Variants in UIMC1 observed in about 807,000 individuals in gnomAD.
UIMC1 encodes the protein BRCA1-A complex subunit RAP80.
In UIMC1, 42 loss-of-function variants were observed where a neutral mutation model predicts 84.9. The ratio of observed to expected loss-of-function variants is 0.49; its 90% CI spans 0.39 to 0.64. UIMC1 has a LOEUF of 0.64. UIMC1 is among the 30% of genes least tolerant of loss of function. UIMC1 has a pLI of 0.00. For missense variants in UIMC1, 825 were observed against 847.6 expected (o/e 0.97, Z 0.33); for synonymous variants, 281 against 293.0 (o/e 0.96, Z 0.42).
intron 10 of UIMC1, among the ~76,000 whole-genome samples, chr5:176,924,439 T>C (rs1426822902): frequency 1.3e-5 from 2 of 152,076 alleles, no homozygotes; most frequent in African/African-American, 4.8e-5. Context: ...TCAAGACACT[T>C]GTACTGGCAT....
Position 176,907,188 on chromosome 5 carries a change from G to A in UIMC1, c.1849-11C>T. On this transcript the variant is annotated splice_polypyrimidine_tract_variant and intron_variant, in intron 12 of 14. Transcript: ENST00000511320. ...ACTGTGGCCTTTTTCCTGTAACAGAGAAAAACAGATGAAAAGGTTACTTCA... is the reference window on the plus strand; with the variant it reads ...ACTGTGGCCTTTTTCCTGTAACAGAAAAAAACAGATGAAAAGGTTACTTCA... The A allele has an allele frequency of 6.2e-7, 1 of 1,611,768 alleles. No homozygotes were observed. Among genetic ancestry groups the A allele is most frequent in the Non-Finnish European group, 8.5e-7 (1 of 1,178,720 alleles).
intron 10 of UIMC1, among the ~76,000 whole-genome samples, chr5:176,931,424 C>A (rs1283822618): frequency 1.1e-4 from 17 of 152,126 alleles, no homozygotes; most frequent in Admixed American, 1.0e-3. Context: ...ATAAGCACAT[C>A]TGGCAGAAGA....
upstream of UIMC1, among the ~76,000 whole-genome samples, chr5:177,008,449 C>A (rs1775468097): frequency 6.6e-6 from 1 of 152,144 alleles, no homozygotes; most frequent in African/African-American, 2.4e-5. Context: ...AGACATGATC[C>A]ATGTAATCCT....
At chr5:176,917,514 G>C (rs938318339) in intron 10 of UIMC1, among the ~76,000 whole-genome samples, 6 of 152,202 alleles carry the variant, frequency 3.9e-5, no homozygotes, top group Admixed American at 3.9e-4. Context: ...GGAGGTTGCA[G>C]TGAGCCAAGA....
At chr5:177,019,242 C>T (rs898420405) in intron 1 of UIMC1, among the ~76,000 whole-genome samples, 1 of 152,120 alleles carries the variant, frequency 6.6e-6, no homozygotes, top group African/African-American at 2.4e-5. Flanking sequence ...AAAACCTTTA[C>T]CTTTCCTAGT....
At chr5:176,983,885 C>A (rs1408588160) in intron 1 of UIMC1, among the ~76,000 whole-genome samples, 1 of 146,134 alleles carries the variant, frequency 6.8e-6, no homozygotes, top group Non-Finnish European at 1.5e-5. Flanking sequence ...GCCCGGCCGC[C>A]ACCCCATCTG....
chr5:176,918,030 G>A lies in UIMC1; in HGVS notation c.1598-6641C>T, dbSNP rs534804964. 4.6e-5 allele frequency among the ~76,000 whole-genome samples: 7 copies of A among 152,306 alleles called. No homozygotes were observed. The East Asian group carries it at 1.4e-3, about 29-fold the overall frequency. On this transcript the variant is annotated intron_variant, in intron 10 of 14. Transcript: ENST00000511320. The stretch of plus-strand genomic sequence containing the variant: ...TTTCAAATGCTCAATAGCCATATGT[G>A]GCTACCATATTTGACAGCACAGCTA...
At chr5:176,946,214 G>C (rs192252083) in intron 9 of UIMC1, among the ~76,000 whole-genome samples, 1 of 152,082 alleles carries the variant, frequency 6.6e-6, no homozygotes, top group Non-Finnish European at 1.5e-5. Flanking sequence ...TCAACCTGCC[G>C]ATCTGCCTAG....
intron 10 of UIMC1, 112 bp from the exon 11 acceptor site, chr5:176,911,501 A>C: frequency 1.7e-6 from 1 of 593,750 alleles, no homozygotes. Flanking sequence ...ATCCCACTGG[A>C]AGAAGTGCAT....
At chr5:176,944,445 T>C (rs981557448) in intron 9 of UIMC1, among the ~76,000 whole-genome samples, 2 of 152,200 alleles carry the variant, frequency 1.3e-5, no homozygotes, top group African/African-American at 4.8e-5. Flanking sequence ...TTCAACAGTG[T>C]GTGTGAGCAC....
At chr5:176,915,759 T>C (rs1349868259) in intron 10 of UIMC1, among the ~76,000 whole-genome samples, 1 of 118,884 alleles carries the variant, frequency 8.4e-6, no homozygotes, top group Admixed American at 1.1e-4. Flanking sequence ...TGACTGTAAA[T>C]GAAGTATTAA....
At chr5:176,911,645 A>G (rs544425144) in intron 10 of UIMC1, among the ~76,000 whole-genome samples, 1 of 152,254 alleles carries the variant, frequency 6.6e-6, no homozygotes, top group South Asian at 2.1e-4. Flanking sequence ...CTAAAGATCT[A>G]CTCCACACCA....
intron 2 of UIMC1, among the ~76,000 whole-genome samples, chr5:176,976,079 G>C (rs572721133): frequency 7.2e-5 from 11 of 152,038 alleles, no homozygotes; most frequent in African/African-American, 2.7e-4. Flanking sequence ...TGGGAGAATC[G>C]CTTGAGGCCA....
intron 1 of UIMC1, among the ~76,000 whole-genome samples, chr5:177,014,274 G>A (rs528007262): frequency 3.3e-5 from 5 of 151,674 alleles, no homozygotes; most frequent in South Asian, 4.2e-4. Flanking sequence ...GGCTGGTCTC[G>A]AACTCCTGAT....
intron 11 of UIMC1, among the ~76,000 whole-genome samples, chr5:176,909,803 C>T (rs1014957673): frequency 1.3e-5 from 2 of 152,202 alleles, no homozygotes; most frequent in African/African-American, 4.8e-5. Context: ...TTCCCTACTA[C>T]ATGAGAGACA....
chr5:176,991,702 G>A (rs1038514321), intron 1 of UIMC1, among the ~76,000 whole-genome samples: 237 of 151,212 alleles, frequency 1.6e-3, no homozygotes, highest in African/African-American at 5.5e-3. Context: ...AGAGGCCGAG[G>A]CGGGCAGATC....
intron 10 of UIMC1, 47 bp downstream of exon 10, chr5:176,943,288 C>G: frequency 6.3e-7 from 1 of 1,596,996 alleles, no homozygotes; most frequent in Non-Finnish European, 8.5e-7. Flanking sequence ...GATTATAAAA[C>G]CACCACACAA....
intron 1 of UIMC1, among the ~76,000 whole-genome samples, chr5:177,017,403 T>C (rs1775695396): frequency 6.6e-6 from 1 of 152,190 alleles, no homozygotes; most frequent in Non-Finnish European, 1.5e-5. Flanking sequence ...TTTTATTTTT[T>C]TGAGATGGAG....
chr5:176,977,641 G>A (rs1227551861), intron 2 of UIMC1, among the ~76,000 whole-genome samples: 3 of 150,436 alleles, frequency 2.0e-5, no homozygotes, highest in Non-Finnish European at 4.4e-5. Context: ...CAGGCGCAGT[G>A]GCTCACACCT....
Sources: allele counts gnomAD v4.1 joint callset (sites outside exome capture counted in the v4.1 genomes callset), GRCh38; gene constraint gnomAD v4.1.1; transcripts MANE v1.5; gene names NCBI Gene and HGNC (gene_info 2026-07-23, HGNC 2026-07-21).